CAV1: variants seen among roughly 807,000 people sequenced by gnomAD.
CAV1 encodes the protein caveolin-1.
A neutral mutation model predicts 16.5 loss-of-function variants in CAV1; 10 were observed. That is an observed-to-expected ratio of 0.61 (90% CI 0.37 to 1.03). CAV1 has a LOEUF of 1.03. Ranked by LOEUF, CAV1 falls within the 50% of genes least tolerant of loss-of-function variation. The pLI is 0.01. For synonymous variants in CAV1, 76 were observed against 85.1 expected (o/e 0.89, Z 0.59); for missense variants, 212 against 232.8 (o/e 0.91, Z 0.58).
intron 2 of CAV1, among the ~76,000 whole-genome samples, chr7:116,535,744 A>G (rs887310725): frequency 6.6e-6 from 1 of 152,200 alleles, no homozygotes; most frequent in Non-Finnish European, 1.5e-5. Flanking sequence ...TATGAAATAC[A>G]TCTTGTTTTC....
At chr7:116,552,639 A>T (rs768437144) in intron 2 of CAV1, among the ~76,000 whole-genome samples, 2 of 152,194 alleles carry the variant, frequency 1.3e-5, no homozygotes, top group African/African-American at 2.4e-5. Context: ...ATGTCACCTC[A>T]CAATCACAAC....
rs1793537010 is a variant in CAV1, at chr7:116,525,434, C to T, written c.30+342C>T. On this transcript the variant is annotated intron_variant, in intron 1 of 2. Coordinates refer to ENST00000341049, the MANE Select transcript of CAV1 (RefSeq NM_001753.5). ...TTGTCGCGGGACCCCCGCGGTCCGGCCCTGCCTGCTGGGGGTTCGAAGAGG... is the reference window on the plus strand; with the variant it reads ...TTGTCGCGGGACCCCCGCGGTCCGGTCCTGCCTGCTGGGGGTTCGAAGAGG... 7.7e-5 allele frequency: 109 copies of T among 1,415,642 alleles called. 2 individuals carry two copies. The South Asian group carries it at 1.5e-3, about 19-fold the overall frequency. The allele number at this position is 1,415,642 out of a possible 1,614,324, so 87.7% of individuals were successfully genotyped here.
chr7:116,555,518 A>AAGAAAGAAAGAAAGAAAGAAAGAAAGAG (rs1554357869), intron 2 of CAV1, among the ~76,000 whole-genome samples: 1 of 14,036 alleles, frequency 7.1e-5, no homozygotes. Flanking sequence ...GAAAGAAAGA[A>AAGAAAGAAAGAAAGAAAGAAAGAAAGAG]AGAGAGAGAG....
At chr7:116,527,841 G>C (rs545240549) in intron 2 of CAV1, among the ~76,000 whole-genome samples, 237 of 152,154 alleles carry the variant, frequency 1.6e-3, no homozygotes, top group African/African-American at 5.3e-3. Flanking sequence ...ATTTCAAAAG[G>C]GGAAACAGTT....
chr7:116,534,950 A>G (rs1011974636), intron 2 of CAV1, among the ~76,000 whole-genome samples: 1 of 152,180 alleles, frequency 6.6e-6, no homozygotes, highest in Admixed American at 6.5e-5. Flanking sequence ...ACCCTGCCAG[A>G]GAGTTTTGAA....
At chr7:116,525,574 T>C in intron 1 of CAV1, 2 of 1,199,194 alleles carry the variant, frequency 1.7e-6, no homozygotes, top group Non-Finnish European at 2.1e-6. Context: ...GTTTGCACTT[T>C]CCAAAGTTCT....
intron 2 of CAV1, among the ~76,000 whole-genome samples, chr7:116,540,004 G>A (rs974585264): frequency 5.3e-5 from 8 of 152,142 alleles, no homozygotes; most frequent in Non-Finnish European, 1.2e-4. Flanking sequence ...GGAATGGCCC[G>A]AAAGAAAAAT....
chr7:116,544,891 C>CCCTATATTTTATGGGCAGTGT lies in CAV1; in HGVS notation c.196-14053_196-14052insTATATTTTATGGGCAGTGTCC, dbSNP rs1424945662. 1.5e-4 allele frequency among the ~76,000 whole-genome samples: 23 copies of CCCTATATTTTATGGGCAGTGT among 152,316 alleles called. No homozygotes were observed. The East Asian group carries it at 3.9e-3, about 26-fold the overall frequency. ...GCCATCTCTATTTTATAGGCACTGTCCCCTTTTCAGTTACCCATGGCTAGC... is the reference window on the plus strand; with the variant it reads ...GCCATCTCTATTTTATAGGCACTGTCCCTATATTTTATGGGCAGTGTCCCTTTTCAGTTACCCATGGCTAGC... On this transcript the variant is annotated intron_variant, in intron 2 of 2. Transcript: ENST00000341049.
At chr7:116,528,084 C>T (rs1016121219) in intron 2 of CAV1, among the ~76,000 whole-genome samples, 1 of 151,250 alleles carries the variant, frequency 6.6e-6, no homozygotes, top group Non-Finnish European at 1.5e-5. Context: ...TTCCCCCACC[C>T]CCACCCTTCT....
chr7:116,542,141 G>C (rs1793953867), intron 2 of CAV1, among the ~76,000 whole-genome samples: 1 of 152,206 alleles, frequency 6.6e-6, no homozygotes, highest in Admixed American at 6.5e-5. Flanking sequence ...AGGTCAGCAT[G>C]AAGCATTATC....
At position 116,546,702 on chromosome 7, in the gene CAV1, A is replaced by AAAAAAAATAAAAAAAT. The variant is rs1554356428; in HGVS notation, c.196-12237_196-12236insTAAAAAAATAAAAAAA. Among the ~76,000 whole-genome samples, 303 of 143,054 alleles carry AAAAAAAATAAAAAAAT rather than the reference A, an allele frequency of 2.1e-3. 3 individuals carry two copies. The highest frequency in any genetic ancestry group is 2.7e-3 in the African/African-American group (103 of 37,926). 93.8% of individuals were successfully genotyped at this position (143,054 alleles called of 152,430 possible). A position where few individuals can be genotyped will look rare whatever the true frequency, so the allele number is the denominator to read the frequency against. On this transcript the variant is annotated intron_variant, in intron 2 of 2. Transcript: ENST00000341049. ...ACAAGAATGAGACTCTGTCACAAAA[A>AAAAAAAATAAAAAAAT]AAAAAAAAAAAAGTCTGCAGGCTGC...
At chr7:116,534,376 TATATATATATATATA>T (rs1793753193) in intron 2 of CAV1, among the ~76,000 whole-genome samples, 1 of 14,790 alleles carries the variant, frequency 6.8e-5, no homozygotes, top group African/African-American at 1.8e-4. Flanking sequence ...TATATATATA[TATATATATATATATA>T]TATATTTTTT....
chr7:116,526,273 G>C (rs1383150931), intron 1 of CAV1: 1 of 1,268,206 alleles, frequency 7.9e-7, no homozygotes, highest in African/African-American at 1.5e-5. Flanking sequence ...CGGCGGGCGG[G>C]GGAGGCAGGC....
chr7:116,549,027 A>G (rs1478562997), intron 2 of CAV1, among the ~76,000 whole-genome samples: 1 of 152,200 alleles, frequency 6.6e-6, no homozygotes, highest in African/African-American at 2.4e-5. Flanking sequence ...AAAAGAAAAC[A>G]CAGTCACCTG....
intron 2 of CAV1, among the ~76,000 whole-genome samples, chr7:116,532,821 A>G (rs1280156107): frequency 6.6e-6 from 1 of 152,200 alleles, no homozygotes; most frequent in Non-Finnish European, 1.5e-5. Context: ...TTTCTTTAGC[A>G]GTCAGGAAAA....
intron 2 of CAV1, among the ~76,000 whole-genome samples, chr7:116,534,395 A>ATATATATATATTTTTTT (rs1442237865): frequency 1.3e-4 from 1 of 7,838 alleles, no homozygotes; most frequent in Non-Finnish European, 2.6e-4. Context: ...ATATATATAT[A>ATATATATATATTTTTTT]TTTTTTTTTT....
At chr7:116,535,852 C>T (rs1044962105) in intron 2 of CAV1, among the ~76,000 whole-genome samples, 1 of 152,146 alleles carries the variant, frequency 6.6e-6, no homozygotes, top group African/African-American at 2.4e-5. Flanking sequence ...CTTTAACCAT[C>T]ATTAGTTGGG....
intron 2 of CAV1, among the ~76,000 whole-genome samples, chr7:116,539,895 A>G (rs900131936): frequency 1.3e-5 from 2 of 152,156 alleles, no homozygotes; most frequent in Non-Finnish European, 2.9e-5. Flanking sequence ...CTCTGGCTAC[A>G]GGAGAAGTCC....
intron 2 of CAV1, among the ~76,000 whole-genome samples, chr7:116,546,702 A>AAAAAAAATAATAAAT (rs1554356428): frequency 1.4e-5 from 2 of 142,952 alleles, no homozygotes; most frequent in Non-Finnish European, 3.1e-5. Flanking sequence ...TGTCACAAAA[A>AAAAAAAATAATAAAT]AAAAAAAAAA....
Sources: gnomAD v4.1 joint callset for allele counts (sites outside exome capture counted in the v4.1 genomes callset) on GRCh38, gnomAD v4.1.1 for gene constraint, MANE v1.5 for transcripts, NCBI Gene and HGNC (gene_info 2026-07-23, HGNC 2026-07-21) for gene names.